MED13L: variants seen among roughly 807,000 people sequenced by gnomAD.
MED13L encodes the protein mediator of RNA polymerase II transcription subunit 13-like.
MED13L carries 7 observed loss-of-function variants against 220.9 expected under a neutral mutation model. That is an observed-to-expected ratio of 0.03 (90% CI 0.02 to 0.06). MED13L has a LOEUF of 0.06. Ranked by LOEUF, MED13L falls within the 10% of genes least tolerant of loss-of-function variation. MED13L has a pLI of 1.00. For synonymous variants in MED13L, 1,011 were observed against 1,015.2 expected (o/e 1.00, Z 0.08); for missense variants, 1,965 against 2,760.5 (o/e 0.71, Z 6.46).
intron 4 of MED13L, among the ~76,000 whole-genome samples, chr12:116,063,884 C>G (rs1043078464): frequency 6.6e-6 from 1 of 152,024 alleles, no homozygotes; most frequent in Non-Finnish European, 1.5e-5. Context: ...GCTTAAGTGC[C>G]TTATATAAAA....
chr12:116,122,323 A>G (rs779002889), intron 2 of MED13L, among the ~76,000 whole-genome samples: 1 of 152,212 alleles, frequency 6.6e-6, no homozygotes, highest in African/African-American at 2.4e-5. Context: ...ATAGCACTTC[A>G]CACATAAAAA....
chr12:116,049,068 C>CT (rs1882003092), intron 4 of MED13L, among the ~76,000 whole-genome samples: 1 of 152,200 alleles, frequency 6.6e-6, no homozygotes, highest in Non-Finnish European at 1.5e-5. Context: ...AAGACCAGCC[C>CT]TTTCTACTAG....
intron 2 of MED13L, among the ~76,000 whole-genome samples, chr12:116,217,364 T>C (rs962659226): frequency 2.0e-5 from 3 of 152,152 alleles, no homozygotes; most frequent in African/African-American, 7.2e-5. Context: ...AATGACTAAG[T>C]ACATTTTTTT....
At chr12:116,012,970 A>G in intron 8 of MED13L, 69 bp from the exon 9 acceptor site, 4 of 1,104,912 alleles carry the variant, frequency 3.6e-6, no homozygotes, top group South Asian at 1.3e-5. Context: ...AAAATGTTCA[A>G]GAGTTGAATA....
At chr12:116,151,098 A>G (rs1878002046) in intron 2 of MED13L, among the ~76,000 whole-genome samples, 1 of 152,190 alleles carries the variant, frequency 6.6e-6, no homozygotes, top group African/African-American at 2.4e-5. Flanking sequence ...CAGAAGATTA[A>G]GAGGGGGGAA....
chr12:116,041,749 C>T (rs916383028), intron 4 of MED13L, among the ~76,000 whole-genome samples: 1 of 152,136 alleles, frequency 6.6e-6, no homozygotes, highest in African/African-American at 2.4e-5. Context: ...GCAGGAGAAT[C>T]GCCTGAACCC....
intron 2 of MED13L, among the ~76,000 whole-genome samples, chr12:116,142,681 C>T (rs879279267): frequency 6.6e-6 from 1 of 151,750 alleles, no homozygotes; most frequent in Non-Finnish European, 1.5e-5. Flanking sequence ...AGAGTGAGGC[C>T]CAGTCTCCAA....
Position 116,031,765 on chromosome 12 carries a change from AAGGAAG to A in MED13L, c.480-9170_480-9165del, listed in dbSNP as rs1880848525. 1.5e-5 allele frequency among the ~76,000 whole-genome samples: 2 copies of A among 133,578 alleles called. 1 individual carries two copies. The highest frequency in any genetic ancestry group is 3.3e-5 in the Non-Finnish European group (2 of 59,724). The allele number at this position is 133,578 out of a possible 152,430, so 87.6% of individuals were successfully genotyped here. On this transcript the variant is annotated intron_variant, in intron 4 of 30. Transcript: ENST00000281928. ...GAAAAGAAAAGAAAAGAAAAGAAGG[AAGGAAG>A]GAAGGAAGGAAGGAAGGAAGGAAGG...
At chr12:116,228,019 T>C (rs1051684000) in intron 2 of MED13L, among the ~76,000 whole-genome samples, 3 of 152,200 alleles carry the variant, frequency 2.0e-5, no homozygotes, top group African/African-American at 4.8e-5. Context: ...AGGCTTATTG[T>C]TGATATGGAG....
chr12:116,152,844 AC>A (rs553896240), intron 2 of MED13L, among the ~76,000 whole-genome samples: 2 of 152,184 alleles, frequency 1.3e-5, no homozygotes, highest in Non-Finnish European at 2.9e-5. Context: ...TAAAATATTA[AC>A]TAGTATTAAA....
rs1203902429 is a variant in MED13L, at chr12:116,019,810, T to G, written c.788A>C (p.Asp263Ala). ...SKEEDELGYDDDFPVAVEVIV... is the reference protein window; with the variant it reads ...SKEEDELGYDADFPVAVEVIV... Reference sequence around the variant, plus strand: ...TACTTCAACTGCCACAGGGAAATCATCATCATATCCCAACTCGTCTTCCTC... The same window carrying G: ...TACTTCAACTGCCACAGGGAAATCAGCATCATATCCCAACTCGTCTTCCTC... Residue 263 changes from aspartate (D) to alanine (A), a missense_variant, in exon 6 of 31, where the codon GAT becomes GCT. Physicochemically the swap from Asp to Ala is moderately radical, Grantham distance 126. Transcript: ENST00000281928. 1 of 1,614,028 alleles carries G rather than the reference T, an allele frequency of 6.2e-7. No individual in the cohort carries two copies. Among genetic ancestry groups the G allele is most frequent in the East Asian group, 2.2e-5 (1 of 44,868 alleles).
At chr12:116,085,233 T>G (rs934608251) in intron 4 of MED13L, among the ~76,000 whole-genome samples, 3 of 152,170 alleles carry the variant, frequency 2.0e-5, no homozygotes, top group African/African-American at 7.2e-5. Context: ...AGTCCAACAG[T>G]ACTGTAGGCT....
intron 4 of MED13L, among the ~76,000 whole-genome samples, chr12:116,030,387 A>T (rs1566019651): frequency 6.6e-6 from 1 of 152,204 alleles, no homozygotes; most frequent in Non-Finnish European, 1.5e-5. Context: ...ATCACAAAAT[A>T]TTTAAAACTG....
intron 7 of MED13L, among the ~76,000 whole-genome samples, chr12:116,016,902 G>A (rs1879757508): frequency 6.6e-6 from 1 of 152,124 alleles, no homozygotes; most frequent in South Asian, 2.1e-4. Flanking sequence ...GCTAATCAAG[G>A]AGAACCTTGG....
intron 2 of MED13L, among the ~76,000 whole-genome samples, chr12:116,157,052 G>C (rs913687446): frequency 6.6e-5 from 10 of 152,126 alleles, no homozygotes; most frequent in African/African-American, 2.4e-4. Context: ...TGTTATTTTA[G>C]GACTTGTACT....
At chr12:115,961,558 T>A in intron 30 of MED13L, 160 bp from the exon 31 acceptor site, 1 of 1,013,222 alleles carries the variant, frequency 9.9e-7, no homozygotes, top group Non-Finnish European at 1.5e-6. Flanking sequence ...TGTTCCTCCT[T>A]CCTTCTAGAT....
intron 1 of MED13L, among the ~76,000 whole-genome samples, chr12:116,242,774 G>C (rs1870767964): frequency 2.0e-5 from 3 of 152,124 alleles, no homozygotes; most frequent in Non-Finnish European, 4.4e-5. Flanking sequence ...AATTCTCCCA[G>C]AGCCACACAG....
At chr12:116,097,241 G>A (rs1398316157) in intron 3 of MED13L, among the ~76,000 whole-genome samples, 1 of 152,044 alleles carries the variant, frequency 6.6e-6, no homozygotes, top group African/African-American at 2.4e-5. Context: ...CACCCCCCAG[G>A]TTCAAGTGAT....
At chr12:116,268,153 G>C (rs187607210) in intron 1 of MED13L, among the ~76,000 whole-genome samples, 2 of 152,140 alleles carry the variant, frequency 1.3e-5, no homozygotes, top group African/African-American at 2.4e-5. Context: ...TCCTGCAGAA[G>C]CTCATCTGAT....
Sources: gnomAD v4.1 joint callset for allele counts (sites outside exome capture counted in the v4.1 genomes callset) on GRCh38, gnomAD v4.1.1 for gene constraint, MANE v1.5 for transcripts, NCBI Gene and HGNC (gene_info 2026-07-23, HGNC 2026-07-21) for gene names.